The following GABRB2 variants were observed in gnomAD, a reference collection of about 807,000 sequenced individuals.
The protein encoded by GABRB2 is gamma-aminobutyric acid type A receptor subunit beta2, also known as gamma-aminobutyric acid receptor subunit beta-2.
Under a neutral mutation model 54.7 loss-of-function variants are expected in GABRB2, and 16 were observed. That is an observed-to-expected ratio of 0.29 (90% CI 0.20 to 0.44). GABRB2 has a LOEUF of 0.44. Ranked by LOEUF, GABRB2 falls within the 20% of genes least tolerant of loss-of-function variation. GABRB2 has a pLI of 1.00. For missense variants in GABRB2, 355 were observed against 644.0 expected, an observed-to-expected ratio of 0.55 and a Z score of 4.86; for synonymous variants, 244 against 233.8, an observed-to-expected ratio of 1.04 and a Z score of -0.40.
chr5:161,471,096 C>T (rs1758425861), intron 3 of GABRB2, among the ~76,000 whole-genome samples: 1 of 151,962 alleles, frequency 6.6e-6, no homozygotes, highest in Non-Finnish European at 1.5e-5. Context: ...GTTTCAAACA[C>T]CCTCAGAGCT....
At chr5:161,378,658 A>G (rs1007234030) in intron 5 of GABRB2, among the ~76,000 whole-genome samples, 1 of 152,194 alleles carries the variant, frequency 6.6e-6, no homozygotes, top group Non-Finnish European at 1.5e-5. Context: ...GATAAAGGGC[A>G]TTCCCCTAAC....
chr5:161,460,608 T>A (rs1170986926), intron 3 of GABRB2, among the ~76,000 whole-genome samples: 1 of 152,134 alleles, frequency 6.6e-6, no homozygotes, highest in Non-Finnish European at 1.5e-5. Context: ...CTAAAAAAAT[T>A]AACTAGCACA....
At chr5:161,421,404 A>G (rs942117894) in intron 4 of GABRB2, among the ~76,000 whole-genome samples, 1 of 152,200 alleles carries the variant, frequency 6.6e-6, no homozygotes, top group Non-Finnish European at 1.5e-5. Flanking sequence ...CCACATGTTT[A>G]CACACCTTCC....
chr5:161,503,709 C>CA (rs33992062), intron 3 of GABRB2, among the ~76,000 whole-genome samples: 39,098 of 91,324 alleles, frequency 0.43, 6,869 homozygotes, highest in African/African-American at 0.54. Context: ...AATTCCTTCT[C>CA]AAAAAAAAAA....
chr5:161,372,226 C>T (rs1026526774), intron 5 of GABRB2, among the ~76,000 whole-genome samples: 2 of 152,128 alleles, frequency 1.3e-5, no homozygotes, highest in African/African-American at 4.8e-5. Context: ...ATTGAACTTG[C>T]AACTTCTCTT....
chr5:161,353,786 G>A (rs1458103367), intron 5 of GABRB2, among the ~76,000 whole-genome samples: 1 of 151,986 alleles, frequency 6.6e-6, no homozygotes, highest in African/African-American at 2.4e-5. Flanking sequence ...TATTCCTTAG[G>A]ATCCAACATT....
At chr5:161,504,257 C>T (rs565103183) in intron 3 of GABRB2, among the ~76,000 whole-genome samples, 61 of 152,186 alleles carry the variant, frequency 4.0e-4, no homozygotes, top group Non-Finnish European at 7.1e-4. Flanking sequence ...GAATACAATA[C>T]ACATGGAATA....
Position 161,292,144 on chromosome 5 carries a change from G to T in GABRB2, c.*1937C>A, listed in dbSNP as rs1156403593. 6.6e-6 allele frequency: 1 copy of T among 152,142 alleles called. No individual in the cohort carries two copies. The highest frequency in any genetic ancestry group is 1.5e-5 in the Non-Finnish European group (1 of 68,008). 9.4% of individuals were successfully genotyped at this position (152,142 alleles called of 1,614,324 possible). ...TTTGGGGCAAATTCAGAAAGCTGAAGGATAAAGGTTTGTTGTTGTTCTTGG... is the reference window on the plus strand; with the variant it reads ...TTTGGGGCAAATTCAGAAAGCTGAATGATAAAGGTTTGTTGTTGTTCTTGG... On this transcript the variant is annotated 3_prime_UTR_variant, in exon 10 of 10. Coordinates refer to ENST00000393959, the MANE Select transcript of GABRB2 (RefSeq NM_001371727.1).
chr5:161,378,290 A>G (rs112181390), intron 5 of GABRB2, among the ~76,000 whole-genome samples: 6 of 152,164 alleles, frequency 3.9e-5, no homozygotes, highest in African/African-American at 1.4e-4. Context: ...TACATAGTAA[A>G]TGTTCAACAA....
At chr5:161,546,514 A>G in intron 1 of GABRB2, 53 bp downstream of exon 1, 1 of 1,574,076 alleles carries the variant, frequency 6.4e-7, no homozygotes, top group South Asian at 1.1e-5. Context: ...AGAGGTATGC[A>G]GACAGAACCC....
chr5:161,388,035 G>T (rs1035909122), intron 5 of GABRB2, among the ~76,000 whole-genome samples: 4 of 152,036 alleles, frequency 2.6e-5, no homozygotes, highest in Admixed American at 1.3e-4. Context: ...TATTATTTGG[G>T]ATCATAAACT....
At chr5:161,473,350 A>C (rs987385744) in intron 3 of GABRB2, among the ~76,000 whole-genome samples, 3 of 152,034 alleles carry the variant, frequency 2.0e-5, no homozygotes, top group Non-Finnish European at 4.4e-5. Flanking sequence ...GAAGTTGGGC[A>C]GTAGGCCATG....
chr5:161,521,788 T>A (rs1760123872), intron 3 of GABRB2, among the ~76,000 whole-genome samples: 1 of 151,858 alleles, frequency 6.6e-6, no homozygotes, highest in South Asian at 2.1e-4. Flanking sequence ...CTTATGGAGG[T>A]TGATACCTGA....
chr5:161,323,781 C>A (rs568210756), intron 9 of GABRB2, among the ~76,000 whole-genome samples: 1 of 152,024 alleles, frequency 6.6e-6, no homozygotes, highest in East Asian at 1.9e-4. Flanking sequence ...TAATTGTGTG[C>A]GTATACACTG....
intron 5 of GABRB2, among the ~76,000 whole-genome samples, chr5:161,346,643 C>A (rs563178059): frequency 3.9e-5 from 6 of 152,176 alleles, no homozygotes; most frequent in African/African-American, 1.4e-4. Flanking sequence ...AGGCAGGATG[C>A]TCCTGAAGAT....
chr5:161,471,720 C>A (rs1480824065), intron 3 of GABRB2, among the ~76,000 whole-genome samples: 1 of 151,944 alleles, frequency 6.6e-6, no homozygotes, highest in African/African-American at 2.4e-5. Context: ...TGACCCTTAT[C>A]TTAATATGTA....
At chr5:161,438,357 A>G (rs897542468) in intron 4 of GABRB2, among the ~76,000 whole-genome samples, 5 of 152,208 alleles carry the variant, frequency 3.3e-5, no homozygotes, top group African/African-American at 1.2e-4. Flanking sequence ...GTGCTCCCTC[A>G]AACACATACA....
rs373911261 is a variant in GABRB2, at chr5:161,326,368, C to T, written c.1191G>A (p.Thr397=). Residue 397 remains threonine, a splice_region_variant and synonymous_variant, in exon 9 of 10, where the codon ACG becomes ACA. Coordinates refer to ENST00000393959, the MANE Select transcript of GABRB2 (RefSeq NM_001371727.1). The stretch of plus-strand genomic sequence containing the variant: ...ATGGATTAAAAACTGGCTATCTAAC[C>T]GTATACAGAGAGAAATCGTAATTGG... ...RTTNYDFSLY[T]MDPHENILLS... 32 of 1,612,782 alleles carry T rather than the reference C, an allele frequency of 2.0e-5. No homozygotes were observed. The highest frequency in any genetic ancestry group is 1.9e-4 in the African/African-American group (14 of 74,836).
At chr5:161,309,726 G>A (rs1267054782) in intron 9 of GABRB2, among the ~76,000 whole-genome samples, 1 of 151,646 alleles carries the variant, frequency 6.6e-6, no homozygotes, top group African/African-American at 2.4e-5. Flanking sequence ...CGCCTCCCAG[G>A]TTCATGCCAT....
Sources: gnomAD v4.1 joint callset for allele counts (sites outside exome capture counted in the v4.1 genomes callset) on GRCh38, gnomAD v4.1.1 for gene constraint, MANE v1.5 for transcripts, NCBI Gene and HGNC (gene_info 2026-07-23, HGNC 2026-07-21) for gene names.